RYR1: variants seen among roughly 807,000 people sequenced by gnomAD.
RYR1 encodes central core disease of muscle.
RYR1 carries 342 observed loss-of-function variants against 583.5 expected under a neutral mutation model. The observed-to-expected ratio is 0.59, with a 90% CI of 0.54 to 0.64. The LOEUF (loss-of-function observed/expected upper bound fraction) is 0.64. Ranked by LOEUF, RYR1 falls within the 30% of genes least tolerant of loss-of-function variation. RYR1 has a pLI of 0.00. For missense variants in RYR1, 6,032 were observed against 6,917.2 expected (o/e 0.87, Z 4.54); for synonymous variants, 2,791 against 2,822.5 (o/e 0.99, Z 0.35).
Position 38,536,039 on chromosome 19 carries a change from G to A in RYR1, c.11559G>A (p.Glu3853=), listed in dbSNP as rs1350999259. ...LNAFERQNKA[E]GLGMVNEDGT... ...CCTTTGAGAGACAGAACAAGGCCGA[G>A]GGGCTGGGCATGGTGAATGAGGATG... The change falls in exon 82 of 106, where the codon GAG becomes GAA. Residue 3853 remains glutamate (E), a synonymous_variant. Coordinates refer to ENST00000359596, the MANE Select transcript of RYR1 (RefSeq NM_000540.3). 1 of 1,613,814 alleles carries A rather than the reference G, an allele frequency of 6.2e-7. No homozygotes were observed. The highest frequency in any genetic ancestry group is 2.2e-5 in the East Asian group (1 of 44,884).
chr19:38,475,004 C>T lies in RYR1; in HGVS notation c.4161-314C>T, dbSNP rs200558884. Among the ~76,000 whole-genome samples the T allele has an allele frequency of 7.2e-5, 11 of 152,162 alleles. No homozygotes were observed. In the East Asian group the frequency reaches 2.1e-3, roughly 29 times the overall value. Reference sequence around the variant, plus strand: ...CCGCACAATGAAGAATTGTCCTTTTCCAAGTGCATTTAGCACCTATACGAG... The same window carrying T: ...CCGCACAATGAAGAATTGTCCTTTTTCAAGTGCATTTAGCACCTATACGAG... On this transcript the variant is annotated intron_variant, in intron 28 of 105. Transcript: ENST00000359596.
At chr19:38,471,479 G>A (rs1019647409) in intron 27 of RYR1, among the ~76,000 whole-genome samples, 8 of 152,330 alleles carry the variant, frequency 5.3e-5, no homozygotes, top group South Asian at 4.1e-4. Flanking sequence ...GCAGTGAGCC[G>A]TGGTTGCACC....
chr19:38,441,496 G>A (rs1378048948), intron 2 of RYR1, among the ~76,000 whole-genome samples: 5 of 151,058 alleles, frequency 3.3e-5, no homozygotes, highest in Admixed American at 6.6e-5. Flanking sequence ...TCTGAGGGAA[G>A]GTGATCCCCA....
intron 60 of RYR1, 94 bp downstream of exon 60, chr19:38,510,875 G>A: frequency 6.4e-7 from 1 of 1,562,240 alleles, no homozygotes; most frequent in Non-Finnish European, 8.7e-7. Context: ...TGGGTGTTGG[G>A]TACTGACCGT....
intron 28 of RYR1, among the ~76,000 whole-genome samples, chr19:38,475,080 G>C (rs1052034709): frequency 1.3e-5 from 2 of 152,146 alleles, no homozygotes; most frequent in Non-Finnish European, 2.9e-5. Context: ...TAACCCAGTG[G>C]GGACCTCCAT....
intron 67 of RYR1, among the ~76,000 whole-genome samples, chr19:38,520,538 T>C (rs1837716407): frequency 6.6e-6 from 1 of 150,916 alleles, no homozygotes; most frequent in Admixed American, 6.6e-5. Flanking sequence ...CTATTATGAA[T>C]ACAAAAATTA....
intron 38 of RYR1, among the ~76,000 whole-genome samples, chr19:38,494,061 T>C (rs1294990040): frequency 6.6e-6 from 1 of 152,114 alleles, no homozygotes; most frequent in Non-Finnish European, 1.5e-5. Context: ...CCTAGCCCTT[T>C]GGGAGGCCAC....
chr19:38,530,987 CTT>C (rs59244176), intron 76 of RYR1, among the ~76,000 whole-genome samples: 1,614 of 129,334 alleles, frequency 0.012, 16 homozygotes, highest in East Asian at 0.065. Flanking sequence ...TTTTCTTTCT[CTT>C]TTTTTTTTTT....
At chr19:38,475,726 A>G (rs1432458124) in intron 29 of RYR1, among the ~76,000 whole-genome samples, 2 of 152,250 alleles carry the variant, frequency 1.3e-5, no homozygotes, top group Non-Finnish European at 1.5e-5. Flanking sequence ...ATATAAGCCA[A>G]TATAGACTAG....
chr19:38,516,769 TC>T (rs1263676473), intron 65 of RYR1, among the ~76,000 whole-genome samples: 1 of 152,168 alleles, frequency 6.6e-6, no homozygotes, highest in Admixed American at 6.5e-5. Context: ...TGAGGCGCTG[TC>T]CTAGTCACCT....
At chr19:38,445,698 A>G (rs1220503471) in intron 7 of RYR1, among the ~76,000 whole-genome samples, 1 of 152,074 alleles carries the variant, frequency 6.6e-6, no homozygotes, top group Non-Finnish European at 1.5e-5. Flanking sequence ...CTCCAAAATC[A>G]ATACTCAAGG....
rs368160260 is a variant in RYR1, at chr19:38,436,230, A to G, written c.45+2356A>G. ...CGGCCTTTTTTTTTCTTTTTGAGAC[A>G]GAGTCTCAATCTGTTGCCCAGGCTG... is the stretch of plus-strand genomic sequence containing the variant. On this transcript the variant is annotated intron_variant, in intron 1 of 105. Coordinates refer to ENST00000359596, the MANE Select transcript of RYR1 (RefSeq NM_000540.3). Among the ~76,000 whole-genome samples, 344 of 151,056 alleles carry G rather than the reference A, an allele frequency of 2.3e-3. 3 individuals carry two copies. The highest frequency in any genetic ancestry group is 0.022 in the South Asian group (104 of 4,794).
intron 89 of RYR1, among the ~76,000 whole-genome samples, chr19:38,554,949 G>A (rs1380840816): frequency 1.3e-5 from 2 of 152,096 alleles, no homozygotes; most frequent in Admixed American, 1.3e-4. Context: ...AAAATGTACA[G>A]TTCAGTGGTT....
intron 1 of RYR1, among the ~76,000 whole-genome samples, chr19:38,435,749 CCTT>C (rs1454344565): frequency 2.0e-5 from 3 of 151,728 alleles, no homozygotes; most frequent in East Asian, 1.9e-4. Flanking sequence ...GAACAAAAAA[CCTT>C]CTGGACCACA....
Position 38,455,306 on chromosome 19 carries a change from G to A in RYR1, c.1512G>A (p.Glu504=), listed in dbSNP as rs1967309832. The change falls in exon 14 of 106, where the codon GAG becomes GAA. Residue 504 remains glutamate (E), a synonymous_variant. Transcript: ENST00000359596. ...NVYTTAAHFA[E]FAGEEAAESW... ...ACACCACTGCTGCCCACTTTGCTGA[G>A]TTTGCAGGGGAGGAGGCAGCCGAGT... 1.2e-6 allele frequency: 2 copies of A among 1,614,104 alleles called. No individual in the cohort carries two copies. Among genetic ancestry groups the A allele is most frequent in the Non-Finnish European group, 1.7e-6 (2 of 1,180,010 alleles).
chr19:38,501,715 A>G (rs2116869), intron 47 of RYR1, among the ~76,000 whole-genome samples: 8,996 of 152,132 alleles, frequency 0.059, 338 homozygotes, highest in East Asian at 0.16. Context: ...GGGGCTGTGC[A>G]TGGTGGCTCA....
intron 34 of RYR1, 119 bp downstream of exon 34, chr19:38,486,321 C>G: frequency 5.0e-6 from 6 of 1,211,296 alleles, no homozygotes; most frequent in Non-Finnish European, 6.0e-6. Context: ...ATTCCCTCCT[C>G]TATACATCCA....
rs539950475 is a variant in RYR1 at position 38,543,295 on chromosome 19, A to G, written c.11690-52A>G. On this transcript the variant is annotated intron_variant, in intron 84 of 105. Coordinates refer to ENST00000359596, the MANE Select transcript of RYR1 (RefSeq NM_000540.3). The surrounding 1 kb of genome is among the most constrained non-coding windows in gnomAD (Gnocchi z 4.4). Reference sequence around the variant, plus strand: ...TAAATGAATAAATGACCCACTGTTCATCTCCCCTAGCACATGGGAGGTGCT... The same window carrying G: ...TAAATGAATAAATGACCCACTGTTCGTCTCCCCTAGCACATGGGAGGTGCT... The G allele has an allele frequency of 2.6e-5, 39 of 1,499,694 alleles. No individual in the cohort carries two copies. The highest frequency in any genetic ancestry group is 1.7e-4 in the Middle Eastern group (1 of 5,854). The allele number at this position is 1,499,694 out of a possible 1,614,324, so 92.9% of individuals were successfully genotyped here.
intron 89 of RYR1, among the ~76,000 whole-genome samples, chr19:38,551,549 C>T (rs1022740554): frequency 3.3e-5 from 5 of 152,122 alleles, no homozygotes; most frequent in Non-Finnish European, 7.3e-5. Context: ...GTCATCTGCC[C>T]TTGATCATCT....
Sources: gnomAD v4.1 joint callset for allele counts (sites outside exome capture counted in the v4.1 genomes callset) on GRCh38, gnomAD v4.1.1 for gene constraint, Gnocchi (gnomAD v3.1) non-coding constraint, MANE v1.5 for transcripts, NCBI Gene and HGNC (gene_info 2026-07-23, HGNC 2026-07-21) for gene names.